Variants in PCDHGA6 observed in about 807,000 individuals in gnomAD.
PCDHGA6 encodes protocadherin gamma-A6.
Under a neutral mutation model 60.6 loss-of-function variants are expected in PCDHGA6, and 41 were observed. The observed-to-expected ratio is 0.68, with a 90% confidence interval of 0.53 to 0.88. PCDHGA6 has a LOEUF of 0.88. Among genes scored for constraint, PCDHGA6 ranks in the 40% least tolerant of loss-of-function variants. PCDHGA6 has a pLI of 0.00. For missense variants in PCDHGA6, 1,312 were observed against 1,203.0 expected (o/e 1.09, Z -1.34); for synonymous variants, 594 against 524.4 (o/e 1.13, Z -1.81).
intron 2 of PCDHGA6, among the ~76,000 whole-genome samples, chr5:141,496,903 A>G (rs990378360): frequency 1.1e-4 from 16 of 150,744 alleles, no homozygotes; most frequent in Non-Finnish European, 2.4e-4. Flanking sequence ...AAAAAAAAAA[A>G]GGCTGGGCAC....
chr5:141,491,956 A>G lies in PCDHGA6; in HGVS notation c.2425-2851A>G, dbSNP rs2099735623. 1.9e-6 allele frequency: 2 copies of G among 1,035,704 alleles called. No homozygotes were observed. Among genetic ancestry groups the G allele is most frequent in the Non-Finnish European group, 2.7e-6 (2 of 749,368 alleles). The allele number at this position is 1,035,704 out of a possible 1,614,324, so 64.2% of individuals were successfully genotyped here. A position where few individuals can be genotyped will look rare whatever the true frequency, so the allele number is the denominator to read the frequency against. On this transcript the variant is annotated intron_variant, in intron 1 of 3. Transcript: ENST00000517434. This position sits in a 1 kb window ranked among gnomAD's most constrained non-coding sequence, Gnocchi z 6.9. Reference sequence around the variant, plus strand: ...GGACCGACCCCCACCCCTACACTCAAAAAAGGCCGGGGCCTCCTTCGAGCT... The same window carrying G: ...GGACCGACCCCCACCCCTACACTCAGAAAAGGCCGGGGCCTCCTTCGAGCT...
intron 1 of PCDHGA6, chr5:141,468,351 A>G (rs1030472813): frequency 6.7e-6 from 1 of 149,192 alleles, no homozygotes; most frequent in Non-Finnish European, 1.5e-5. Context: ...AAAAAAAAAG[A>G]AAGAAAAAAG....
chr5:141,425,812 G>GA (rs574320012), intron 1 of PCDHGA6, among the ~76,000 whole-genome samples: 9 of 152,054 alleles, frequency 5.9e-5, no homozygotes, highest in South Asian at 4.1e-4. Flanking sequence ...CTTCTGCTTA[G>GA]AAAAAAACAA....
At chr5:141,422,307 C>T in intron 1 of PCDHGA6, 4 of 1,547,552 alleles carry the variant, frequency 2.6e-6, no homozygotes, top group South Asian at 1.3e-5. Flanking sequence ...TTCTGGAAAA[C>T]TCTCCTCCAG....
chr5:141,497,702 G>A (rs904199928), intron 2 of PCDHGA6, among the ~76,000 whole-genome samples: 16 of 152,054 alleles, frequency 1.1e-4, no homozygotes, highest in African/African-American at 3.9e-4. Context: ...ACCACACCCA[G>A]CTCATTTTTG....
At chr5:141,460,991 A>G (rs889917939) in intron 1 of PCDHGA6, among the ~76,000 whole-genome samples, 39 of 141,522 alleles carry the variant, frequency 2.8e-4, no homozygotes, top group East Asian at 1.0e-3. Flanking sequence ...GTGTATATAT[A>G]TATATGTGTA....
At position 141,422,108 on chromosome 5, in the gene PCDHGA6, A is replaced by G. The variant is rs766617894; in HGVS notation, c.2424+45601A>G. 4.4e-6 allele frequency: 7 copies of G among 1,606,984 alleles called. No homozygotes were observed. In the East Asian group the frequency reaches 1.6e-4, roughly 36 times the overall value. ...GAAAGCAAGGCTTCTGAAATATTCCAATTGGATTCACAAACTGGAGAAGTT... is the reference window on the plus strand; with the variant it reads ...GAAAGCAAGGCTTCTGAAATATTCCGATTGGATTCACAAACTGGAGAAGTT... On this transcript the variant is annotated intron_variant, in intron 1 of 3. Transcript: ENST00000517434.
chr5:141,507,754 C>T (rs1488474557), intron 3 of PCDHGA6, among the ~76,000 whole-genome samples: 7 of 152,242 alleles, frequency 4.6e-5, no homozygotes, highest in Admixed American at 2.0e-4. Flanking sequence ...GTCAAGGCCT[C>T]CCACCTTTGG....
intron 1 of PCDHGA6, among the ~76,000 whole-genome samples, chr5:141,481,676 G>A (rs975849679): frequency 3.3e-5 from 5 of 152,028 alleles, no homozygotes; most frequent in Admixed American, 1.3e-4. Flanking sequence ...AAATCAGGCC[G>A]GGCCTGGTGG....
intron 1 of PCDHGA6, among the ~76,000 whole-genome samples, chr5:141,405,886 CCAACACTGAAAGGAGG>C (rs1168478788): frequency 1.3e-5 from 2 of 152,086 alleles, no homozygotes; most frequent in African/African-American, 4.8e-5. Context: ...AATTGTTGCT[CCAACACTGAAAGGAGG>C]CATTTATTAG....
chr5:141,405,770 G>T (rs989163026), intron 1 of PCDHGA6, among the ~76,000 whole-genome samples: 1 of 152,032 alleles, frequency 6.6e-6, no homozygotes. Context: ...GAGCCACTGC[G>T]CCTGGCCCTT....
At chr5:141,415,045 G>A (rs2095819214) in intron 1 of PCDHGA6, 23 of 1,613,538 alleles carry the variant, frequency 1.4e-5, no homozygotes, top group Non-Finnish European at 1.8e-5. Flanking sequence ...CTTCGCGGTG[G>A]GGGAGCACAC....
At position 141,472,488 on chromosome 5, in the gene PCDHGA6, C is replaced by T. The variant is rs183545662; in HGVS notation, c.2425-22319C>T. 4.0e-3 allele frequency among the ~76,000 whole-genome samples: 607 copies of T among 151,768 alleles called. 6 individuals carry two copies. The highest frequency in any genetic ancestry group is 0.011 in the Admixed American group (174 of 15,254). On this transcript the variant is annotated intron_variant, in intron 1 of 3. Coordinates refer to ENST00000517434, the MANE Select transcript of PCDHGA6 (RefSeq NM_018919.3). Reference sequence around the variant, plus strand: ...CCAGAAGGCAGAGCTTGCAGTGAGACGAGATCGTGCCACTGCACTCCAGCC... The same window carrying T: ...CCAGAAGGCAGAGCTTGCAGTGAGATGAGATCGTGCCACTGCACTCCAGCC...
chr5:141,457,159 T>C (rs908257499), intron 1 of PCDHGA6, among the ~76,000 whole-genome samples: 5 of 152,212 alleles, frequency 3.3e-5, no homozygotes, highest in Non-Finnish European at 7.3e-5. Flanking sequence ...GGTGCTACCA[T>C]GGATAACCCT....
chr5:141,397,972 G>A lies in PCDHGA6; in HGVS notation c.2424+21465G>A. 2.6e-6 allele frequency: 3 copies of A among 1,155,562 alleles called. No homozygotes were observed. In the South Asian group the frequency reaches 4.9e-5, roughly 19 times the overall value. The allele number at this position is 1,155,562 out of a possible 1,614,324, so 71.6% of individuals were successfully genotyped here. A position where few individuals can be genotyped will look rare whatever the true frequency, so the allele number is the denominator to read the frequency against. On this transcript the variant is annotated intron_variant, in intron 1 of 3. Transcript: ENST00000517434. ...GCAGCCCCAGCTCAGACTCCCCAGC[G>A]CCGGCCTTTACACCGCTTCCTCCTC...
At position 141,477,722 on chromosome 5, in the gene PCDHGA6, A is replaced by G. The variant is rs768705340; in HGVS notation, c.2425-17085A>G. 9.3e-6 allele frequency: 15 copies of G among 1,613,878 alleles called. No homozygotes were observed. In the Middle Eastern group the frequency reaches 6.6e-4, roughly 71 times the overall value. On this transcript the variant is annotated intron_variant, in intron 1 of 3. Transcript: ENST00000517434. The surrounding 1 kb of genome is among the most constrained non-coding windows in gnomAD (Gnocchi z 4.9). ...TGAGGATCGGCGGGAATTTGAATTA[A>G]CAGCTCATATCAGCGATGGGGGCAC...
intron 1 of PCDHGA6, chr5:141,388,082 G>A (rs2091230905): frequency 2.9e-6 from 4 of 1,367,298 alleles, no homozygotes; most frequent in Non-Finnish European, 4.0e-6. Flanking sequence ...CTCGAAAACT[G>A]CGCGTCAGTT....
rs757383072 is a variant in PCDHGA6, at chr5:141,375,516, A to G, written c.1433A>G (p.Asp478Gly). 6.2e-7 allele frequency: 1 copy of G among 1,613,900 alleles called. No individual in the cohort carries two copies. Among genetic ancestry groups the G allele is most frequent in the East Asian group, 2.2e-5 (1 of 44,858 alleles). Residue 478 changes from aspartate (D) to glycine (G), a missense_variant, in exon 1 of 4, where the codon GAC becomes GGC. Asp to Gly is a moderately conservative substitution (Grantham distance 94). Transcript: ENST00000517434. ...GASIFSVNALDPDVDQNAQVS... is the reference protein window; with the variant it reads ...GASIFSVNALGPDVDQNAQVS... ...TCCATCTTCTCTGTGAATGCACTGG[A>G]CCCTGACGTGGACCAGAACGCCCAA...
intron 1 of PCDHGA6, chr5:141,412,334 T>C (rs371361193): frequency 2.0e-5 from 3 of 152,262 alleles, no homozygotes; most frequent in Admixed American, 1.3e-4. Flanking sequence ...GCAACTGTAA[T>C]ATATGTTCAT....
Sources: allele counts gnomAD v4.1 joint callset (sites outside exome capture counted in the v4.1 genomes callset), GRCh38; gene constraint gnomAD v4.1.1; non-coding constraint Gnocchi (gnomAD v3.1); transcripts MANE v1.5; gene names NCBI Gene and HGNC (gene_info 2026-07-23, HGNC 2026-07-21).